Variants in GFOD1 observed in about 807,000 individuals in gnomAD.
GFOD1 encodes the protein Gfo/Idh/MocA-like oxidoreductase domain containing 1.
A neutral mutation model predicts 25.4 loss-of-function variants in GFOD1; 9 were observed. The observed-to-expected ratio is 0.35, with a 90% confidence interval of 0.21 to 0.62. The LOEUF (loss-of-function observed/expected upper bound fraction) is 0.62. Among genes scored for constraint, GFOD1 ranks in the 20% least tolerant of loss-of-function variants. The pLI, the probability that GFOD1 is intolerant of heterozygous loss-of-function variation, is 0.72. For missense variants in GFOD1, 403 were observed against 556.9 expected, an observed-to-expected ratio of 0.72 and a Z score of 2.78; for synonymous variants, 253 against 245.6, an observed-to-expected ratio of 1.03 and a Z score of -0.28.
intron 1 of GFOD1, among the ~76,000 whole-genome samples, chr6:13,447,982 G>A (rs1758034330): frequency 6.7e-6 from 1 of 149,832 alleles, no homozygotes; most frequent in Non-Finnish European, 1.5e-5. Flanking sequence ...GAATGGAGGT[G>A]GTAGAATTTG....
chr6:13,442,349 T>C (rs1205101682), intron 1 of GFOD1, among the ~76,000 whole-genome samples: 2 of 152,270 alleles, frequency 1.3e-5, no homozygotes, highest in African/African-American at 4.8e-5. Flanking sequence ...CAGCACCATC[T>C]TTCCAATAGC....
chr6:13,413,246 C>T (rs1242730905), intron 1 of GFOD1, among the ~76,000 whole-genome samples: 1 of 152,298 alleles, frequency 6.6e-6, no homozygotes, highest in Middle Eastern at 3.4e-3. Flanking sequence ...GAAGAAGGAA[C>T]GGAGGTGACC....
At chr6:13,449,207 C>T (rs144654901) in intron 1 of GFOD1, among the ~76,000 whole-genome samples, 1 of 152,160 alleles carries the variant, frequency 6.6e-6, no homozygotes, top group Non-Finnish European at 1.5e-5. Context: ...AGGAGGATTG[C>T]TTGAGCCCAG....
In GFOD1 at chr6:13,364,121, T is replaced by A. The variant is rs1784993166; in HGVS notation, c.*622A>T. 1 of 152,602 alleles carries A rather than the reference T, an allele frequency of 6.6e-6. No homozygotes were observed. The highest frequency in any genetic ancestry group is 6.5e-5 in the Admixed American group (1 of 15,318). 9.5% of individuals were successfully genotyped at this position (152,602 alleles called of 1,614,324 possible). A position where few individuals can be genotyped will look rare whatever the true frequency, so the allele number is the denominator to read the frequency against. ...ACCAAGTACAAAGACACACCCTCAG[T>A]GCTTCCTATGAGGAAGCCCAATCAA... On this transcript the variant is annotated 3_prime_UTR_variant, in exon 2 of 2. Transcript: ENST00000379287. This position sits in a 1 kb window ranked among gnomAD's most constrained non-coding sequence, Gnocchi z 4.1.
intron 1 of GFOD1, among the ~76,000 whole-genome samples, chr6:13,450,676 C>T (rs946645758): frequency 3.9e-5 from 6 of 152,164 alleles, no homozygotes; most frequent in African/African-American, 7.2e-5. Context: ...GGGACCTTAT[C>T]GTGGGGCTGC....
In GFOD1 at chr6:13,486,785, G is replaced by C. The variant is rs774968918; in HGVS notation, c.106C>G (p.Gln36Glu). ...TTGGCCAGCTCCTCCGCTTCTTCCT[G>C]CGTGCGGCCCCACAGCGCCTTCACC... ...FAVKALWGRT[Q>E]EEAEELAKEM... Residue 36 changes from glutamine (Q) to glutamate (E), a missense_variant, in exon 1 of 2, where the codon CAG becomes GAG. Coordinates refer to ENST00000379287, the MANE Select transcript of GFOD1 (RefSeq NM_018988.4). 2 of 1,614,102 alleles carry C rather than the reference G, an allele frequency of 1.2e-6. No individual in the cohort carries two copies. Among genetic ancestry groups the C allele is most frequent in the East Asian group, 2.2e-5 (1 of 44,878 alleles).
At chr6:13,379,303 C>T (rs986291613) in intron 1 of GFOD1, among the ~76,000 whole-genome samples, 1 of 152,156 alleles carries the variant, frequency 6.6e-6, no homozygotes, top group Non-Finnish European at 1.5e-5. Context: ...GTGGGTGGTA[C>T]AGCCTCCCCC....
At chr6:13,482,071 T>C (rs557841895) in intron 1 of GFOD1, among the ~76,000 whole-genome samples, 1 of 150,118 alleles carries the variant, frequency 6.7e-6, no homozygotes, top group Non-Finnish European at 1.5e-5. Context: ...TATTTGTGTA[T>C]ATGTAAAATA....
chr6:13,434,201 G>T (rs919916344), intron 1 of GFOD1, among the ~76,000 whole-genome samples: 10 of 151,394 alleles, frequency 6.6e-5, no homozygotes, highest in African/African-American at 2.2e-4. Flanking sequence ...CAAGTGCATG[G>T]CATTATGAGA....
intron 1 of GFOD1, among the ~76,000 whole-genome samples, chr6:13,463,127 C>A (rs528797719): frequency 6.6e-6 from 1 of 152,218 alleles, no homozygotes; most frequent in Non-Finnish European, 1.5e-5. Flanking sequence ...ATCTGTGACA[C>A]CGCCCAGGGT....
intron 1 of GFOD1, chr6:13,470,305 C>A: frequency 6.3e-7 from 1 of 1,583,698 alleles, no homozygotes. Context: ...GCTGGAGGCC[C>A]GCTGCATTCA....
At chr6:13,428,372 G>T (rs982743698) in intron 1 of GFOD1, among the ~76,000 whole-genome samples, 23 of 152,178 alleles carry the variant, frequency 1.5e-4, no homozygotes, top group Admixed American at 1.3e-3. Flanking sequence ...AAAACTGGGG[G>T]GCTGGGGAGG....
intron 1 of GFOD1, among the ~76,000 whole-genome samples, chr6:13,394,853 G>C (rs925735713): frequency 2.6e-5 from 4 of 151,914 alleles, no homozygotes; most frequent in Non-Finnish European, 5.9e-5. Flanking sequence ...GGCTGGTCTT[G>C]AACTCCTGAC....
intron 1 of GFOD1, among the ~76,000 whole-genome samples, chr6:13,409,181 G>GAAAGAAAGAA (rs752345025): frequency 6.2e-5 from 5 of 81,208 alleles, no homozygotes; most frequent in Admixed American, 2.9e-4. Context: ...GAGAGAGAGA[G>GAAAGAAAGAA]AGAGAAAGAA....
At chr6:13,441,461 G>A (rs566484408) in intron 1 of GFOD1, among the ~76,000 whole-genome samples, 3 of 152,268 alleles carry the variant, frequency 2.0e-5, no homozygotes, top group East Asian at 1.9e-4. Flanking sequence ...TGAATTTAGG[G>A]TTCTGTCCGA....
intron 1 of GFOD1, among the ~76,000 whole-genome samples, chr6:13,412,624 C>G (rs1786098174): frequency 6.6e-6 from 1 of 152,218 alleles, no homozygotes; most frequent in Admixed American, 6.5e-5. Context: ...CTCCCTTCCC[C>G]CCGTTGTTAC....
At chr6:13,416,152 C>T (rs987862472) in intron 1 of GFOD1, among the ~76,000 whole-genome samples, 3 of 152,204 alleles carry the variant, frequency 2.0e-5, no homozygotes, top group South Asian at 2.1e-4. Context: ...TCTCTCCTGC[C>T]GCCTTGTGAA....
At chr6:13,462,832 C>A (rs1681077877) in intron 1 of GFOD1, among the ~76,000 whole-genome samples, 1 of 152,148 alleles carries the variant, frequency 6.6e-6, no homozygotes, top group Non-Finnish European at 1.5e-5. Flanking sequence ...ACCTATGCAC[C>A]AAACTGCCAC....
intron 1 of GFOD1, among the ~76,000 whole-genome samples, chr6:13,436,695 G>A (rs766387612): frequency 3.3e-5 from 5 of 152,314 alleles, no homozygotes; most frequent in Middle Eastern, 3.4e-3. Flanking sequence ...AAGTCGATTT[G>A]CAAAGGTGAA....
Sources: allele counts gnomAD v4.1 joint callset (sites outside exome capture counted in the v4.1 genomes callset), GRCh38; gene constraint gnomAD v4.1.1; non-coding constraint Gnocchi (gnomAD v3.1); transcripts MANE v1.5; gene names NCBI Gene and HGNC (gene_info 2026-07-23, HGNC 2026-07-21).